SEMA5A: variants seen among roughly 807,000 people sequenced by gnomAD.
The protein encoded by SEMA5A is semaphorin-5A.
A neutral mutation model predicts 135.5 loss-of-function variants in SEMA5A; 55 were observed. The ratio of observed to expected loss-of-function variants is 0.41; its 90% CI spans 0.33 to 0.51. The LOEUF (loss-of-function observed/expected upper bound fraction) is 0.51, where lower values mean the gene tolerates loss of function less well. Among genes scored for constraint, SEMA5A ranks in the 20% least tolerant of loss-of-function variants. SEMA5A has a pLI of 0.37. For synonymous variants in SEMA5A, 580 were observed against 546.5 expected, an observed-to-expected ratio of 1.06 and a Z score of -0.85; for missense variants, 1,290 against 1,419.9, an observed-to-expected ratio of 0.91 and a Z score of 1.47.
At position 9,051,969 on chromosome 5, in the gene SEMA5A, C is replaced by A. The variant is rs199614651; in HGVS notation, c.2749G>T (p.Ala917Ser). 4 of 1,613,586 alleles carry A rather than the reference C, an allele frequency of 2.5e-6. No individual in the cohort carries two copies. In the African/African-American group the frequency reaches 4.0e-5, roughly 16 times the overall value. ...ECEASGVQVRARQCILLFPMG... is the reference protein window; with the variant it reads ...ECEASGVQVRSRQCILLFPMG... ...GGGAACAGGAGGATGCACTGGCGGG[C>A]GCGGACTTGGACGCCAGAGGCTTCA... is the stretch of plus-strand genomic sequence containing the variant. The change falls in exon 20 of 23, where the codon GCC becomes TCC. Residue 917 changes from alanine to serine, a missense_variant. Ala to Ser is a moderately conservative substitution (Grantham distance 99). Coordinates refer to ENST00000382496, the MANE Select transcript of SEMA5A (RefSeq NM_003966.3).
intron 1 of SEMA5A, among the ~76,000 whole-genome samples, chr5:9,485,287 G>A (rs1734637813): frequency 6.6e-6 from 1 of 151,664 alleles, no homozygotes; most frequent in Non-Finnish European, 1.5e-5. Context: ...TGTTTAACGA[G>A]AAATTTCACA....
chr5:9,259,137 A>G (rs1749261118), intron 5 of SEMA5A, among the ~76,000 whole-genome samples: 1 of 152,018 alleles, frequency 6.6e-6, no homozygotes, highest in Admixed American at 6.6e-5. Flanking sequence ...ATTTTTTACA[A>G]AAAGCCTTTT....
intron 1 of SEMA5A, among the ~76,000 whole-genome samples, chr5:9,491,686 A>G (rs1318637861): frequency 6.6e-6 from 1 of 152,252 alleles, no homozygotes; most frequent in East Asian, 1.9e-4. Context: ...AAATAATATT[A>G]AAGTAAAAAG....
chr5:9,062,274 G>A (rs949534298), intron 18 of SEMA5A, among the ~76,000 whole-genome samples: 1 of 152,160 alleles, frequency 6.6e-6, no homozygotes, highest in Non-Finnish European at 1.5e-5. Flanking sequence ...CGGCCTATCA[G>A]ATCTTTTTAT....
intron 16 of SEMA5A, among the ~76,000 whole-genome samples, chr5:9,096,445 CT>C (rs1193969512): frequency 6.6e-6 from 1 of 152,074 alleles, no homozygotes; most frequent in Non-Finnish European, 1.5e-5. Flanking sequence ...AGATAATGCA[CT>C]ATTTCTCTTT....
At chr5:9,251,326 A>C (rs1748773747) in intron 5 of SEMA5A, among the ~76,000 whole-genome samples, 1 of 152,156 alleles carries the variant, frequency 6.6e-6, no homozygotes, top group Admixed American at 6.6e-5. Context: ...ATCTGAGAAA[A>C]ATTCTGAAAA....
chr5:9,484,722 C>T (rs1403472228), intron 1 of SEMA5A, among the ~76,000 whole-genome samples: 5 of 152,094 alleles, frequency 3.3e-5, no homozygotes, highest in Admixed American at 6.6e-5. Flanking sequence ...CCAGGCGAGT[C>T]GGTCTCAGTT....
chr5:9,173,668 AG>A lies in SEMA5A; in HGVS notation c.1273+16598del, dbSNP rs1244117842. 2.0e-5 allele frequency among the ~76,000 whole-genome samples: 3 copies of A among 152,278 alleles called. No individual in the cohort carries two copies. In the East Asian group the frequency reaches 5.8e-4, roughly 29 times the overall value. ...TCCAGATACCCTCACATTGGGAATA[AG>A]GTTTCAACTTATTTTCAATCTGGAG... On this transcript the variant is annotated intron_variant, in intron 11 of 22. Transcript: ENST00000382496.
intron 5 of SEMA5A, among the ~76,000 whole-genome samples, chr5:9,244,141 G>A (rs568237300): frequency 3.3e-5 from 5 of 152,226 alleles, no homozygotes; most frequent in African/African-American, 1.2e-4. Flanking sequence ...ATCTTGGGTT[G>A]GTTTTGTGAA....
At chr5:9,350,342 TG>T (rs1405617907) in intron 3 of SEMA5A, among the ~76,000 whole-genome samples, 1 of 152,218 alleles carries the variant, frequency 6.6e-6, no homozygotes, top group African/African-American at 2.4e-5. Context: ...AGTTTAATAA[TG>T]GGTTGACTCA....
At chr5:9,124,280 A>G (rs1342241308) in intron 13 of SEMA5A, among the ~76,000 whole-genome samples, 1 of 152,160 alleles carries the variant, frequency 6.6e-6, no homozygotes, top group Non-Finnish European at 1.5e-5. Flanking sequence ...TACCTGGCTC[A>G]TTGAAGAAGG....
At chr5:9,415,387 G>A (rs1757248088) in intron 2 of SEMA5A, among the ~76,000 whole-genome samples, 1 of 152,120 alleles carries the variant, frequency 6.6e-6, no homozygotes, top group Non-Finnish European at 1.5e-5. Flanking sequence ...ATGTGTTGGG[G>A]CCTTGGGGAC....
At chr5:9,403,714 C>T (rs1579484936) in intron 2 of SEMA5A, among the ~76,000 whole-genome samples, 1 of 152,148 alleles carries the variant, frequency 6.6e-6, no homozygotes, top group African/African-American at 2.4e-5. Flanking sequence ...TTGCTGAATG[C>T]TCCTTGACAG....
chr5:9,134,601 C>G (rs916873206), intron 13 of SEMA5A, among the ~76,000 whole-genome samples: 1 of 152,220 alleles, frequency 6.6e-6, no homozygotes, highest in Non-Finnish European at 1.5e-5. Context: ...CGGGGACAAG[C>G]TGCCTGCTGG....
chr5:9,445,593 C>T (rs1007187835), intron 1 of SEMA5A, among the ~76,000 whole-genome samples: 2 of 151,986 alleles, frequency 1.3e-5, no homozygotes, highest in Admixed American at 6.5e-5. Context: ...GGCGTCAACC[C>T]GGGAGACGGA....
chr5:9,441,175 G>A (rs569145259), intron 1 of SEMA5A, among the ~76,000 whole-genome samples: 1 of 152,272 alleles, frequency 6.6e-6, no homozygotes, highest in African/African-American at 2.4e-5. Flanking sequence ...ACACTCTCAG[G>A]AGCTGTCTAT....
intron 5 of SEMA5A, among the ~76,000 whole-genome samples, chr5:9,295,545 A>AAGG (rs895684660): frequency 4.6e-5 from 7 of 151,790 alleles, no homozygotes; most frequent in Non-Finnish European, 5.9e-5. Context: ...AGTGATGGGG[A>AAGG]AGGAGGAGGA....
intron 5 of SEMA5A, among the ~76,000 whole-genome samples, chr5:9,252,707 A>G (rs1410557400): frequency 2.0e-5 from 3 of 152,210 alleles, no homozygotes; most frequent in Non-Finnish European, 2.9e-5. Flanking sequence ...AAGAAAGTGC[A>G]CTTGAAGTTC....
At chr5:9,200,947 A>G (rs1745671542) in intron 9 of SEMA5A, among the ~76,000 whole-genome samples, 1 of 152,218 alleles carries the variant, frequency 6.6e-6, no homozygotes. Context: ...GCTGTCATCA[A>G]TGCTAAAACT....
Sources: gnomAD v4.1 joint callset for allele counts (sites outside exome capture counted in the v4.1 genomes callset) on GRCh38, gnomAD v4.1.1 for gene constraint, MANE v1.5 for transcripts, NCBI Gene and HGNC (gene_info 2026-07-23, HGNC 2026-07-21) for gene names.